Variants in ABLIM3 observed in about 807,000 individuals in gnomAD.
ABLIM3 encodes actin binding LIM protein family member 3, also known as actin-binding LIM protein 3.
A neutral mutation model predicts 109.5 loss-of-function variants in ABLIM3; 61 were observed. The ratio of observed to expected loss-of-function variants is 0.56; its 90% CI spans 0.45 to 0.69. The LOEUF is 0.69. Ranked by LOEUF, ABLIM3 falls within the 30% of genes least tolerant of loss-of-function variation. The probability of loss-of-function intolerance (pLI) is 0.00; values close to 1 mark genes in which losing one functional copy is unlikely to be tolerated. For missense variants in ABLIM3, 796 were observed against 889.5 expected (o/e 0.89, Z 1.34); for synonymous variants, 300 against 324.8 (o/e 0.92, Z 0.82).
rs1358839926 is a variant in ABLIM3 at position 149,191,729 on chromosome 5, T to C, written c.152-6490T>C. 3.3e-5 allele frequency among the ~76,000 whole-genome samples: 5 copies of C among 152,344 alleles called. No individual in the cohort carries two copies. The East Asian group carries it at 7.7e-4, about 23-fold the overall frequency. Reference sequence around the variant, plus strand: ...TTGAGTTTATTCTAGAAATTTGAAATTGGCTTAATATTAGAAAACTGGTTA... The same window carrying C: ...TTGAGTTTATTCTAGAAATTTGAAACTGGCTTAATATTAGAAAACTGGTTA... On this transcript the variant is annotated intron_variant, in intron 3 of 23. Transcript: ENST00000309868.
At chr5:149,209,510 CCCAGTAAATACTCATTTTACCAT>C (rs1759335657) in intron 6 of ABLIM3, among the ~76,000 whole-genome samples, 1 of 152,184 alleles carries the variant, frequency 6.6e-6, no homozygotes, top group Non-Finnish European at 1.5e-5. Context: ...CCAATAACTG[CCCAGTAAATACTCATTTTACCAT>C]CCTCTTTTAG....
intron 20 of ABLIM3, 70 bp from the exon 21 acceptor site, chr5:149,251,289 G>A (rs1316934455): frequency 3.8e-6 from 6 of 1,575,860 alleles, no homozygotes; most frequent in African/African-American, 1.3e-5. Context: ...TTTTCTGGAG[G>A]TGGGTGAGTG....
At chr5:149,242,683 G>A in intron 15 of ABLIM3, 145 bp downstream of exon 15, 1 of 849,332 alleles carries the variant, frequency 1.2e-6, no homozygotes, top group South Asian at 1.4e-5. Flanking sequence ...CCATCACCCA[G>A]GGTGACATTA....
Position 149,252,796 on chromosome 5 carries a change from A to G in ABLIM3, c.1897A>G (p.Arg633Gly). 6.2e-7 allele frequency: 1 copy of G among 1,613,522 alleles called. No individual in the cohort carries two copies. The highest frequency in any genetic ancestry group is 1.1e-5 in the South Asian group (1 of 91,068). The change falls in exon 23 of 24, where the codon AGA (arginine) becomes GGA (glycine). Residue 633 changes from arginine (R) to glycine (G), a missense_variant. Arg to Gly is a moderately radical substitution (Grantham distance 125, BLOSUM62 -2). Coordinates refer to ENST00000309868, the MANE Select transcript of ABLIM3 (RefSeq NM_014945.5). The part of the protein sequence containing the change: ...YELLLVTTRG[R>G]NRLPKDVDRT... ...ACTGCTGCTGGTGACTACAAGAGGA[A>G]GAAACCGACTGCCCAAGGATGTAGA...
intron 9 of ABLIM3, among the ~76,000 whole-genome samples, chr5:149,232,479 C>T (rs925861047): frequency 8.5e-5 from 13 of 152,124 alleles, no homozygotes; most frequent in Admixed American, 5.2e-4. Flanking sequence ...CCAGAACCAC[C>T]GCTAGTTCAC....
At chr5:149,238,479 G>A (rs1289421144) in intron 11 of ABLIM3, among the ~76,000 whole-genome samples, 1 of 152,192 alleles carries the variant, frequency 6.6e-6, no homozygotes, top group Admixed American at 6.5e-5. Context: ...CACCAGGAGA[G>A]GAGGATCAAG....
At chr5:149,208,636 A>T (rs1392165593) in intron 6 of ABLIM3, among the ~76,000 whole-genome samples, 4 of 152,092 alleles carry the variant, frequency 2.6e-5, no homozygotes, top group African/African-American at 4.8e-5. Flanking sequence ...CCACATGCCC[A>T]TTCCTGACCA....
In ABLIM3 at chr5:149,210,750, C is replaced by T. The variant is rs140259812; in HGVS notation, c.600C>T (p.Ser200=). Residue 200 remains serine (S), a synonymous_variant, in exon 7 of 24, where the codon TCC becomes TCT. Transcript: ENST00000309868. Reference sequence around the variant, plus strand: ...GGGATGGTGTTCCATACTGTGAGTCCGACTACCATGCCCAGTTTGGCATTA... The same window carrying T: ...GGGATGGTGTTCCATACTGTGAGTCTGACTACCATGCCCAGTTTGGCATTA... The part of the protein sequence containing the change: ...ISKDGVPYCE[S]DYHAQFGIKC... 130 of 1,614,034 alleles carry T rather than the reference C, an allele frequency of 8.1e-5. No individual in the cohort carries two copies. In the East Asian group the frequency reaches 1.0e-3, roughly 12 times the overall value.
rs73276878 is a variant in ABLIM3, at chr5:149,195,601, T to C, written c.152-2618T>C. Among the ~76,000 whole-genome samples, 417 of 151,454 alleles carry C rather than the reference T, an allele frequency of 2.8e-3. 1 individual carries two copies. Among genetic ancestry groups the C allele is most frequent in the African/African-American group, 9.5e-3 (392 of 41,254 alleles). ...GGGAGAGGTGGCTCTGGGGGTGGAG[T>C]TGGCAAAGGAGACAAAGGAGAGAAA... On this transcript the variant is annotated intron_variant, in intron 3 of 23. Transcript: ENST00000309868.
chr5:149,155,843 G>A (rs1215210949), intron 2 of ABLIM3, among the ~76,000 whole-genome samples: 1 of 152,222 alleles, frequency 6.6e-6, no homozygotes, highest in Non-Finnish European at 1.5e-5. Context: ...CTCTTTGAGA[G>A]GGTCAGATGC....
At chr5:149,228,185 A>C (rs1398369522) in intron 8 of ABLIM3, among the ~76,000 whole-genome samples, 1 of 152,210 alleles carries the variant, frequency 6.6e-6, no homozygotes, top group Non-Finnish European at 1.5e-5. Flanking sequence ...TTCAGTTCTT[A>C]GGTGTTAAAT....
At chr5:149,200,665 G>T in intron 5 of ABLIM3, 1 of 543,280 alleles carries the variant, frequency 1.8e-6, no homozygotes, top group Non-Finnish European at 3.3e-6. Context: ...GCCAATATTT[G>T]CCACATGGTA....
intron 3 of ABLIM3, among the ~76,000 whole-genome samples, chr5:149,185,284 C>G (rs1024056678): frequency 9.2e-5 from 14 of 152,230 alleles, no homozygotes; most frequent in Non-Finnish European, 1.9e-4. Flanking sequence ...CAGTGGTTGG[C>G]AAGCTGCTAA....
chr5:149,168,239 T>C (rs181083965), intron 2 of ABLIM3, among the ~76,000 whole-genome samples: 147 of 152,296 alleles, frequency 9.7e-4, no homozygotes, highest in African/African-American at 3.4e-3. Context: ...GGGCTATGGC[T>C]GGAAGAGATG....
At chr5:149,178,247 G>A (rs1357089781) in intron 2 of ABLIM3, among the ~76,000 whole-genome samples, 1 of 152,150 alleles carries the variant, frequency 6.6e-6, no homozygotes, top group African/African-American at 2.4e-5. Context: ...CCACAGTTGG[G>A]TCTTCTTTGG....
intron 2 of ABLIM3, among the ~76,000 whole-genome samples, chr5:149,166,809 C>G (rs1754880317): frequency 1.3e-5 from 2 of 152,336 alleles, no homozygotes; most frequent in Admixed American, 6.5e-5. Flanking sequence ...TGCAACTACT[C>G]AACTCCACTA....
At chr5:149,251,983 A>G (rs1753972583) in intron 21 of ABLIM3, among the ~76,000 whole-genome samples, 1 of 152,168 alleles carries the variant, frequency 6.6e-6, no homozygotes, top group Non-Finnish European at 1.5e-5. Context: ...AACCATCTCA[A>G]GATCAGCCCA....
chr5:149,243,226 AGT>A (rs1275847778), intron 15 of ABLIM3: 2 of 152,302 alleles, frequency 1.3e-5, no homozygotes, highest in Non-Finnish European at 2.9e-5. Context: ...AAATATTGAG[AGT>A]GTGAACTAAG....
intron 8 of ABLIM3, among the ~76,000 whole-genome samples, chr5:149,225,716 TC>T (rs921116616): frequency 6.6e-6 from 1 of 151,944 alleles, no homozygotes; most frequent in African/African-American, 2.4e-5. Flanking sequence ...TCCCAGCCTT[TC>T]CCCCTGAGCC....
Sources: gnomAD v4.1 joint callset for allele counts (sites outside exome capture counted in the v4.1 genomes callset) on GRCh38, gnomAD v4.1.1 for gene constraint, MANE v1.5 for transcripts, NCBI Gene and HGNC (gene_info 2026-07-23, HGNC 2026-07-21) for gene names.